The following CSMD1 variants were observed in gnomAD, a reference collection of about 807,000 sequenced individuals.
CSMD1 encodes the protein CUB and Sushi multiple domains 1, also known as CUB and sushi domain-containing protein 1.
A neutral mutation model predicts 417.5 loss-of-function variants in CSMD1; 213 were observed. The observed-to-expected ratio is 0.51, with a 90% confidence interval of 0.46 to 0.57. CSMD1 has a LOEUF of 0.57. Ranked by LOEUF, CSMD1 falls within the 20% of genes least tolerant of loss-of-function variation. The pLI is 0.00. For synonymous variants in CSMD1, 2,862 were observed against 1,736.8 expected (o/e 1.65, Z -16.11); for missense variants, 6,923 against 4,529.7 (o/e 1.53, Z -15.17).
At chr8:3,941,492 G>C (rs1031873769) in intron 5 of CSMD1, among the ~76,000 whole-genome samples, 2 of 152,110 alleles carry the variant, frequency 1.3e-5, no homozygotes, top group African/African-American at 4.8e-5. Context: ...CAAGGTATCT[G>C]AATAAAAGGA....
intron 1 of CSMD1, among the ~76,000 whole-genome samples, chr8:4,877,934 C>G (rs1466221218): frequency 6.6e-6 from 1 of 152,036 alleles, no homozygotes; most frequent in African/African-American, 2.4e-5. Context: ...GGGAAAGGGA[C>G]CTACCCAAAC....
intron 1 of CSMD1, among the ~76,000 whole-genome samples, chr8:4,651,847 G>C (rs183989386): frequency 2.0e-5 from 3 of 152,306 alleles, no homozygotes; most frequent in Admixed American, 6.5e-5. Flanking sequence ...TGGAATTAAA[G>C]GACTCCTGTC....
At chr8:3,527,900 G>C (rs1797821148) in intron 10 of CSMD1, among the ~76,000 whole-genome samples, 1 of 152,154 alleles carries the variant, frequency 6.6e-6, no homozygotes, top group Admixed American at 6.5e-5. Context: ...GGACATTACA[G>C]GCTGGCTAAG....
At chr8:3,065,846 G>A (rs536746436) in intron 49 of CSMD1, among the ~76,000 whole-genome samples, 1 of 152,236 alleles carries the variant, frequency 6.6e-6, no homozygotes, top group East Asian at 1.9e-4. Flanking sequence ...GTGATAAAAG[G>A]CAAGTAGCAG....
chr8:4,265,288 A>T (rs1437769737), intron 3 of CSMD1, among the ~76,000 whole-genome samples: 2 of 152,108 alleles, frequency 1.3e-5, no homozygotes, highest in African/African-American at 4.8e-5. Flanking sequence ...ATTACTAAAA[A>T]TAGTGAGATT....
intron 2 of CSMD1, among the ~76,000 whole-genome samples, chr8:4,442,368 TAG>T (rs995286269): frequency 6.6e-6 from 1 of 152,202 alleles, no homozygotes; most frequent in Non-Finnish European, 1.5e-5. Flanking sequence ...CACGTTTGCC[TAG>T]AGATTTCTAC....
At chr8:3,256,335 GGAAGGA>G (rs1277041713) in intron 26 of CSMD1, among the ~76,000 whole-genome samples, 5 of 136,890 alleles carry the variant, frequency 3.7e-5, no homozygotes, top group African/African-American at 1.0e-4. Flanking sequence ...AGAGAAGAAA[GGAAGGA>G]AAGAAAGGAA....
intron 10 of CSMD1, among the ~76,000 whole-genome samples, chr8:3,527,930 C>A (rs1285014026): frequency 6.6e-6 from 1 of 152,178 alleles, no homozygotes; most frequent in Non-Finnish European, 1.5e-5. Context: ...TAGGGCAGTT[C>A]TGTGCAGGTC....
chr8:4,314,783 G>C (rs982891765), intron 3 of CSMD1, among the ~76,000 whole-genome samples: 7 of 152,160 alleles, frequency 4.6e-5, no homozygotes, highest in African/African-American at 1.4e-4. Flanking sequence ...CCTCAGAAAA[G>C]ATTCAGCATT....
chr8:4,261,473 T>A (rs1259924565), intron 3 of CSMD1, among the ~76,000 whole-genome samples: 1 of 152,208 alleles, frequency 6.6e-6, no homozygotes, highest in Non-Finnish European at 1.5e-5. Flanking sequence ...GCATCAGCCC[T>A]GGGATCTAAT....
chr8:2,988,405 C>G (rs1346692675), intron 54 of CSMD1, among the ~76,000 whole-genome samples: 2 of 152,112 alleles, frequency 1.3e-5, no homozygotes, highest in African/African-American at 4.8e-5. Context: ...AATTATTAGA[C>G]AAAGCAGGGA....
At chr8:3,074,636 C>A (rs1333417370) in intron 49 of CSMD1, among the ~76,000 whole-genome samples, 1 of 152,134 alleles carries the variant, frequency 6.6e-6, no homozygotes, top group African/African-American at 2.4e-5. Context: ...GAAGAAAGTG[C>A]AAAGATGTTT....
intron 1 of CSMD1, among the ~76,000 whole-genome samples, chr8:4,839,422 G>C (rs894726691): frequency 1.3e-5 from 2 of 152,104 alleles, no homozygotes; most frequent in African/African-American, 4.8e-5. Context: ...ATTCTACTTT[G>C]TATTTCTAGT....
At chr8:4,591,669 A>C (rs760691646) in intron 2 of CSMD1, among the ~76,000 whole-genome samples, 3 of 152,320 alleles carry the variant, frequency 2.0e-5, no homozygotes, top group African/African-American at 2.4e-5. Flanking sequence ...GGTCAGTGTC[A>C]GATTGGAACA....
chr8:3,956,607 A>C (rs888293083), intron 5 of CSMD1, among the ~76,000 whole-genome samples: 2 of 152,212 alleles, frequency 1.3e-5, no homozygotes, highest in Non-Finnish European at 2.9e-5. Flanking sequence ...ATAATCATTA[A>C]ATTCTGATAA....
chr8:4,869,938 T>C (rs1028313559), intron 1 of CSMD1, among the ~76,000 whole-genome samples: 2 of 152,092 alleles, frequency 1.3e-5, no homozygotes, highest in Admixed American at 6.5e-5. Flanking sequence ...TATATTGTCC[T>C]AATCTACAAT....
chr8:4,158,284 C>G (rs763558620), intron 3 of CSMD1, among the ~76,000 whole-genome samples: 6 of 151,974 alleles, frequency 3.9e-5, no homozygotes, highest in Non-Finnish European at 7.4e-5. Context: ...GACTAAACAA[C>G]AGAAGTACAT....
intron 3 of CSMD1, among the ~76,000 whole-genome samples, chr8:4,033,145 A>AG (rs1224442501): frequency 4.0e-5 from 6 of 150,680 alleles, no homozygotes; most frequent in African/African-American, 1.5e-4. Flanking sequence ...AAAAAAAAAA[A>AG]AAAAAAAAAA....
chr8:3,428,166 A>C (rs991045766), intron 12 of CSMD1, among the ~76,000 whole-genome samples: 1 of 152,232 alleles, frequency 6.6e-6, no homozygotes. Flanking sequence ...TCTAATTTCA[A>C]CTATATGGTT....
Sources: gnomAD v4.1 joint callset for allele counts (sites outside exome capture counted in the v4.1 genomes callset) on GRCh38, gnomAD v4.1.1 for gene constraint, MANE v1.5 for transcripts, NCBI Gene and HGNC (gene_info 2026-07-23, HGNC 2026-07-21) for gene names.